Variants in RNF130 observed in about 807,000 individuals in gnomAD.
RNF130 encodes the protein E3 ubiquitin-protein ligase RNF130.
Under a neutral mutation model 44.6 loss-of-function variants are expected in RNF130, and 21 were observed. The observed-to-expected ratio is 0.47, with a 90% confidence interval of 0.33 to 0.68. The LOEUF (loss-of-function observed/expected upper bound fraction) is 0.68, where lower values mean the gene tolerates loss of function less well. Ranked by LOEUF, RNF130 falls within the 30% of genes least tolerant of loss-of-function variation. The pLI is 0.02. For synonymous variants in RNF130, 214 were observed against 210.4 expected (o/e 1.02, Z -0.15); for missense variants, 479 against 560.6 (o/e 0.85, Z 1.47).
At chr5:179,982,021 C>A (rs985038739) in intron 3 of RNF130, among the ~76,000 whole-genome samples, 96 of 152,142 alleles carry the variant, frequency 6.3e-4, no homozygotes, top group Non-Finnish European at 1.9e-4. Context: ...AGTGTATCTA[C>A]CACATCCCCA....
chr5:179,962,759 T>TAGTGTTTTGAG (rs1224027467), intron 8 of RNF130, among the ~76,000 whole-genome samples: 1 of 152,148 alleles, frequency 6.6e-6, no homozygotes, highest in Non-Finnish European at 1.5e-5. Context: ...AACACCTCAC[T>TAGTGTTTTGAG]ACAGCACCCC....
At chr5:179,918,613 C>T (rs752040972) in exon 8 of RNF130, 3 of 152,078 alleles carry the variant, frequency 2.0e-5, no homozygotes, top group South Asian at 2.1e-4. Flanking sequence ...CTTTTCTGAA[C>T]GATGCTATAT....
At position 179,978,248 on chromosome 5, in the gene RNF130, A is replaced by G. The variant is rs1279110006; in HGVS notation, c.803T>C (p.Ile268Thr). Residue 268 changes from isoleucine (I) to threonine (T), a missense_variant, in exon 5 of 9, where the codon ATA becomes ACA. By Grantham distance (89) the Ile-to-Thr change is moderately conservative. Around this residue, in one of 3 missense-constraint regions of RNF130, gnomAD observed 180 missense variants for 275.1 expected, o/e 0.65. Coordinates refer to ENST00000521389, the MANE Select transcript of RNF130 (RefSeq NM_018434.6). The stretch of plus-strand genomic sequence containing the variant: ...GACATCATTCTGCTTATAGCTCTCT[A>G]TGCAGACTGCACAATGATCAAAGTC... ...DPDFDHCAVC[I>T]ESYKQNDVVR... The G allele has an allele frequency of 6.2e-7, 1 of 1,614,140 alleles. No homozygotes were observed. Among genetic ancestry groups the G allele is most frequent in the Admixed American group, 1.7e-5 (1 of 60,028 alleles).
chr5:180,033,140 C>T (rs961508199), intron 2 of RNF130, among the ~76,000 whole-genome samples: 1 of 151,758 alleles, frequency 6.6e-6, no homozygotes, highest in Admixed American at 6.6e-5. Flanking sequence ...CACCCGGCTA[C>T]TTTTTTTATT....
chr5:179,974,543 C>T (rs1008326230), intron 5 of RNF130, among the ~76,000 whole-genome samples: 2 of 152,158 alleles, frequency 1.3e-5, no homozygotes, highest in Non-Finnish European at 2.9e-5. Context: ...AATCCATGAG[C>T]GGCTTGACAG....
rs199994496 is a variant in RNF130, at chr5:179,966,997, C to T, written c.959G>A (p.Cys320Tyr). ...CATATCGAATGCTACGTTATCAGTA[C>T]ATGGCAAATTCGGCTGCAAAATATT... ...KALGIVPNLP[C>Y]TDNVAFDMER... Residue 320 changes from cysteine (C) to tyrosine (Y), a missense_variant, in exon 7 of 9, where the codon TGT becomes TAT. By Grantham distance (194) the Cys-to-Tyr change is radical. Coordinates refer to ENST00000521389, the MANE Select transcript of RNF130 (RefSeq NM_018434.6). 6.2e-7 allele frequency: 1 copy of T among 1,612,860 alleles called. No homozygotes were observed. The highest frequency in any genetic ancestry group is 2.2e-5 in the East Asian group (1 of 44,884).
chr5:179,955,721 TTAAAA>T (rs1762198023), intron 8 of RNF130, 52 bp from the exon 9 acceptor site: 1 of 1,450,342 alleles, frequency 6.9e-7, no homozygotes, highest in Non-Finnish European at 9.4e-7. Flanking sequence ...AGTCAAATGT[TTAAAA>T]TAACAGAGAA....
chr5:179,963,419 G>C, intron 8 of RNF130, 52 bp downstream of exon 8: 2 of 1,423,822 alleles, frequency 1.4e-6, no homozygotes, highest in Non-Finnish European at 9.8e-7. Context: ...TGCTCCATGT[G>C]TTTTCCTGGG....
At chr5:179,971,422 T>G (rs752444576) in intron 5 of RNF130, among the ~76,000 whole-genome samples, 4 of 152,226 alleles carry the variant, frequency 2.6e-5, no homozygotes, top group South Asian at 2.1e-4. Context: ...CAGGCTGAAG[T>G]GCAGTCGTGC....
At chr5:180,059,374 C>T (rs1764917864) in intron 1 of RNF130, among the ~76,000 whole-genome samples, 1 of 152,182 alleles carries the variant, frequency 6.6e-6, no homozygotes, top group African/African-American at 2.4e-5. Flanking sequence ...GTGTTATGAC[C>T]TGTGTAACGG....
intron 7 of RNF130, chr5:179,939,308 C>T (rs998060148): frequency 6.4e-6 from 1 of 155,290 alleles, no homozygotes; most frequent in Non-Finnish European, 1.4e-5. Context: ...GTGGTCCTAA[C>T]AATAAACTCA....
intron 2 of RNF130, among the ~76,000 whole-genome samples, 199 bp downstream of exon 2, chr5:180,040,254 T>C (rs1012880428): frequency 2.0e-5 from 3 of 152,166 alleles, no homozygotes; most frequent in Non-Finnish European, 4.4e-5. Context: ...AGTCCAAGCT[T>C]TACAGACTGC....
At position 180,025,405 on chromosome 5, in the gene RNF130, A is replaced by T. The variant is rs529850637; in HGVS notation, c.443-12094T>A. On this transcript the variant is annotated intron_variant, in intron 2 of 8. Coordinates refer to ENST00000521389, the MANE Select transcript of RNF130 (RefSeq NM_018434.6). ...AAAAAGTAAATCAAGTGACAACTTCAAACAACCCACTTGGGACACGGAGAC... is the reference window on the plus strand; with the variant it reads ...AAAAAGTAAATCAAGTGACAACTTCTAACAACCCACTTGGGACACGGAGAC... Among the ~76,000 whole-genome samples, 37 of 152,376 alleles carry T rather than the reference A, an allele frequency of 2.4e-4. No individual in the cohort carries two copies. In the South Asian group the frequency reaches 7.2e-3, roughly 30 times the overall value.
At chr5:179,944,017 G>A (rs1262644138) in intron 7 of RNF130, among the ~76,000 whole-genome samples, 1 of 151,622 alleles carries the variant, frequency 6.6e-6, no homozygotes, top group Non-Finnish European at 1.5e-5. Flanking sequence ...TGTCACCCAG[G>A]CTGGAGTGCA....
chr5:179,979,131 T>C (rs894409739), intron 4 of RNF130, among the ~76,000 whole-genome samples: 4 of 151,886 alleles, frequency 2.6e-5, no homozygotes, highest in African/African-American at 9.7e-5. Flanking sequence ...CCAGGGAATT[T>C]CATACTATTG....
chr5:180,017,596 A>T (rs1174624284), intron 2 of RNF130, among the ~76,000 whole-genome samples: 1 of 152,248 alleles, frequency 6.6e-6, no homozygotes, highest in African/African-American at 2.4e-5. Context: ...CAAAGGCATT[A>T]ACAACACTTT....
chr5:180,059,545 G>A (rs1764920619), intron 1 of RNF130, among the ~76,000 whole-genome samples: 1 of 152,160 alleles, frequency 6.6e-6, no homozygotes, highest in Admixed American at 6.5e-5. Flanking sequence ...AGGAATTTAG[G>A]ATTTTTCTGA....
At chr5:179,999,589 G>A (rs1403713162) in intron 3 of RNF130, among the ~76,000 whole-genome samples, 1 of 152,074 alleles carries the variant, frequency 6.6e-6, no homozygotes, top group Non-Finnish European at 1.5e-5. Flanking sequence ...GGGCTTGGTG[G>A]TAGGCACCTG....
Position 179,955,667 on chromosome 5 carries a change from A to G in RNF130, c.1247T>C (p.Val416Ala). The change falls in exon 9 of 9, where the codon GTA becomes GCA. Residue 416 changes from valine to alanine, a missense_variant and splice_region_variant. By Grantham distance (64) the Val-to-Ala change is moderately conservative. Transcript: ENST00000521389. ...RATASLNANE[V>A]EWF The stretch of plus-strand genomic sequence containing the variant: ...GTTTTTTCTTCTTCAAAACCATTCT[A>G]CCCTATGGAATAAAAGGAAAAAAGA... 6.3e-7 allele frequency: 1 copy of G among 1,583,946 alleles called. No individual in the cohort carries two copies. Among genetic ancestry groups the G allele is most frequent in the Non-Finnish European group, 8.6e-7 (1 of 1,166,348 alleles).
Sources: gnomAD v4.1 joint callset for allele counts (sites outside exome capture counted in the v4.1 genomes callset) on GRCh38, gnomAD v4.1.1 for gene constraint, gnomAD v4.1.1 regional missense constraint, MANE v1.5 for transcripts, NCBI Gene and HGNC (gene_info 2026-07-23, HGNC 2026-07-21) for gene names.